Variants in SLC12A7 observed in about 807,000 individuals in gnomAD.
SLC12A7 encodes the protein K-Cl cotransporter 4.
SLC12A7 carries 100 observed loss-of-function variants against 120.6 expected under a neutral mutation model. That is an observed-to-expected ratio of 0.83 (90% CI 0.71 to 0.98). The LOEUF is 0.98. Ranked by LOEUF, SLC12A7 falls within the 50% of genes least tolerant of loss-of-function variation. The pLI is 0.00. For synonymous variants in SLC12A7, 760 were observed against 678.0 expected, an observed-to-expected ratio of 1.12 and a Z score of -1.88; for missense variants, 1,373 against 1,548.1, an observed-to-expected ratio of 0.89 and a Z score of 1.90.
At chr5:1,064,028 C>G (rs536477577) in intron 19 of SLC12A7, 53 bp from the exon 20 acceptor site, 1 of 1,602,980 alleles carries the variant, frequency 6.2e-7, no homozygotes, top group South Asian at 1.1e-5. Flanking sequence ...CGTCCCGGCC[C>G]GCAGCACGTG....
intron 1 of SLC12A7, among the ~76,000 whole-genome samples, chr5:1,108,200 C>T (rs1343336692): frequency 6.6e-6 from 1 of 152,280 alleles, no homozygotes; most frequent in Non-Finnish European, 1.5e-5. Context: ...CACATGGACC[C>T]GGCCAGCTGA....
rs916894337 is a variant in SLC12A7, at chr5:1,054,660, G to A, written c.3027-1178C>T. 3.2e-4 allele frequency among the ~76,000 whole-genome samples: 49 copies of A among 152,226 alleles called. 1 individual carries two copies. The highest frequency in any genetic ancestry group is 9.4e-4 in the African/African-American group (39 of 41,464). On this transcript the variant is annotated intron_variant, in intron 22 of 23. Coordinates refer to ENST00000264930, the MANE Select transcript of SLC12A7 (RefSeq NM_006598.3). Reference sequence around the variant, plus strand: ...ACCAGCGCCCTGGACGCAGAGGGGCGGCGGCGGACAGACAGAGGCCGCCCA... The same window carrying A: ...ACCAGCGCCCTGGACGCAGAGGGGCAGCGGCGGACAGACAGAGGCCGCCCA...
rs758428640 is a variant in SLC12A7 at position 1,073,761 on chromosome 5, C to T, written c.2113G>A (p.Ala705Thr). 3.9e-6 allele frequency: 6 copies of T among 1,522,100 alleles called. No individual in the cohort carries two copies. Among genetic ancestry groups the T allele is most frequent in the Non-Finnish European group, 5.3e-6 (6 of 1,130,116 alleles). 94.3% of individuals were successfully genotyped at this position (1,522,100 alleles called of 1,614,324 possible). A position where few individuals can be genotyped will look rare whatever the true frequency, so the allele number is the denominator to read the frequency against. ...LVMLNLDAEQAVKHPRLLSFT... is the reference protein window; with the variant it reads ...LVMLNLDAEQTVKHPRLLSFT... Reference sequence around the variant, plus strand: ...GACAGCAGGCGGGGGTGCTTCACGGCCTGCTCCGCGTCCAGGTTCAGCATC... The same window carrying T: ...GACAGCAGGCGGGGGTGCTTCACGGTCTGCTCCGCGTCCAGGTTCAGCATC... Residue 705 changes from alanine to threonine, a missense_variant, in exon 17 of 24, where the codon GCC (alanine) becomes ACC (threonine). Ala to Thr is a moderately conservative substitution (Grantham distance 58). Transcript: ENST00000264930.
At chr5:1,150,751 C>T in the SLC12A7 span, among the ~76,000 whole-genome samples, 2 of 152,206 alleles carry the variant, frequency 1.3e-5, no homozygotes, top group African/African-American at 4.8e-5. Flanking sequence ...TGGATGAACA[C>T]GACGGCCGAG....
intron 1 of SLC12A7, among the ~76,000 whole-genome samples, chr5:1,103,249 T>C (rs1410344026): frequency 6.6e-6 from 1 of 152,092 alleles, no homozygotes; most frequent in Non-Finnish European, 1.5e-5. Context: ...TCATCACCCA[T>C]TCCCGAAGTG....
At chr5:1,108,749 G>A (rs1742758356) in intron 1 of SLC12A7, among the ~76,000 whole-genome samples, 1 of 152,212 alleles carries the variant, frequency 6.6e-6, no homozygotes, top group Admixed American at 6.5e-5. Context: ...CCCAGCACCC[G>A]ACAGGCGAGG....
At chr5:1,102,882 C>T (rs1742153153) in intron 1 of SLC12A7, among the ~76,000 whole-genome samples, 1 of 152,148 alleles carries the variant, frequency 6.6e-6, no homozygotes, top group East Asian at 1.9e-4. Context: ...ACCCCCCACC[C>T]AACCCCACTG....
At chr5:1,057,705 A>C in intron 21 of SLC12A7, 56 bp from the exon 22 acceptor site, 1 of 1,514,746 alleles carries the variant, frequency 6.6e-7, no homozygotes, top group Non-Finnish European at 8.8e-7. Flanking sequence ...TCTGGGCGAG[A>C]GCGACCCGGG....
intron 22 of SLC12A7, among the ~76,000 whole-genome samples, chr5:1,054,987 G>C (rs532640673): frequency 2.6e-5 from 4 of 152,348 alleles, no homozygotes; most frequent in Non-Finnish European, 4.4e-5. Context: ...AGGAGCACAG[G>C]GGGGTCGGAG....
Position 1,086,947 on chromosome 5 carries a change from AC to A in SLC12A7, c.630del (p.Phe211LeufsTer15). The A allele has an allele frequency of 6.2e-7, 1 of 1,612,894 alleles. No individual in the cohort carries two copies. Among genetic ancestry groups the A allele is most frequent in the South Asian group, 1.1e-5 (1 of 91,090 alleles). On this transcript the variant is annotated frameshift_variant, in exon 6 of 24. Transcript: ENST00000264930. LOFTEE classifies it high-confidence loss of function. ...CCCAAAATATACATGGCCCCTGCAA[AC>A]GTCGTGCCCAGGTAGAAGCAGAGGC... ...AVGLCFYLGT[T>X]FAGAMYILGT... is the part of the protein sequence containing the mutation.
chr5:1,056,160 G>C (rs906971834), intron 22 of SLC12A7, among the ~76,000 whole-genome samples: 7 of 152,194 alleles, frequency 4.6e-5, no homozygotes, highest in Non-Finnish European at 8.8e-5. Flanking sequence ...ACCCCTCTCC[G>C]CCTGGAGGCT....
At chr5:1,074,749 G>A (rs879119149) in intron 15 of SLC12A7, 78 bp from the exon 16 acceptor site, 1 of 1,373,238 alleles carries the variant, frequency 7.3e-7, no homozygotes, top group Middle Eastern at 1.9e-4. Context: ...GGACTTCTGG[G>A]GGCAGGTGAG....
chr5:1,074,521 A>G (rs1168175748), intron 16 of SLC12A7, 46 bp downstream of exon 16: 2 of 1,548,124 alleles, frequency 1.3e-6, no homozygotes, highest in African/African-American at 1.4e-5. Flanking sequence ...CCTCAGAAAC[A>G]GCTCTTCTGT....
the SLC12A7 span, among the ~76,000 whole-genome samples, chr5:1,149,576 C>G: frequency 4.0e-5 from 6 of 151,480 alleles, no homozygotes; most frequent in Non-Finnish European, 7.4e-5. Context: ...AACTCCCTCT[C>G]AAAAACAAAT....
At chr5:1,097,381 G>T (rs1741372371) in intron 1 of SLC12A7, among the ~76,000 whole-genome samples, 1 of 152,086 alleles carries the variant, frequency 6.6e-6, no homozygotes, top group African/African-American at 2.4e-5. Flanking sequence ...CGCCTATCAG[G>T]CCCCAAGAAC....
upstream of SLC12A7, among the ~76,000 whole-genome samples, chr5:1,116,955 G>C (rs1327878003): frequency 6.6e-6 from 1 of 152,196 alleles, no homozygotes; most frequent in Non-Finnish European, 1.5e-5. Context: ...TGGAAGCAGA[G>C]CCCAGGACAC....
the SLC12A7 span, among the ~76,000 whole-genome samples, chr5:1,125,750 C>G: frequency 6.6e-6 from 1 of 152,044 alleles, no homozygotes; most frequent in South Asian, 2.1e-4. Flanking sequence ...CATGGTGAAA[C>G]CCCATCTCTA....
chr5:1,100,238 G>T (rs1258326748), intron 1 of SLC12A7, among the ~76,000 whole-genome samples: 2 of 152,230 alleles, frequency 1.3e-5, no homozygotes, highest in Non-Finnish European at 2.9e-5. Flanking sequence ...GGCAGGGGCT[G>T]GTACCCTCCG....
the SLC12A7 span, among the ~76,000 whole-genome samples, chr5:1,144,609 C>T: frequency 6.6e-6 from 1 of 152,216 alleles, no homozygotes; most frequent in Non-Finnish European, 1.5e-5. Context: ...TGGGCACCCG[C>T]CTTGAAAATG....
Sources: allele counts gnomAD v4.1 joint callset (sites outside exome capture counted in the v4.1 genomes callset), GRCh38; gene constraint gnomAD v4.1.1; transcripts MANE v1.5; gene names NCBI Gene and HGNC (gene_info 2026-07-23, HGNC 2026-07-21).